GOSR1: variants seen among roughly 807,000 people sequenced by gnomAD.
GOSR1 encodes the protein 28 kDa Golgi SNARE protein.
A neutral mutation model predicts 35.5 loss-of-function variants in GOSR1; 21 were observed. The ratio of observed to expected loss-of-function variants is 0.59; its 90% CI spans 0.42 to 0.85. The LOEUF (loss-of-function observed/expected upper bound fraction) is 0.85, where lower values mean the gene tolerates loss of function less well. Among genes scored for constraint, GOSR1 ranks in the 40% least tolerant of loss-of-function variants. GOSR1 has a pLI of 0.00. For synonymous variants in GOSR1, 94 were observed against 106.6 expected (o/e 0.88, Z 0.73); for missense variants, 285 against 309.6 (o/e 0.92, Z 0.60).
intron 6 of GOSR1, among the ~76,000 whole-genome samples, chr17:30,504,809 A>T (rs141676414): frequency 2.0e-5 from 3 of 152,270 alleles, no homozygotes; most frequent in African/African-American, 4.8e-5. Flanking sequence ...CCTCAGGAAC[A>T]TTGAATACAA....
At chr17:30,492,156 A>AT (rs1048575242) in intron 5 of GOSR1, among the ~76,000 whole-genome samples, 5 of 152,176 alleles carry the variant, frequency 3.3e-5, no homozygotes, top group Admixed American at 6.5e-5. Flanking sequence ...GATAAGAGTA[A>AT]TTTTTTTGTC....
At position 30,522,912 on chromosome 17, in the gene GOSR1, C is replaced by G. The variant is rs1443788144; in HGVS notation, c.*534C>G. On this transcript the variant is annotated 3_prime_UTR_variant, in exon 9 of 9. Coordinates refer to ENST00000451249, the MANE Select transcript of GOSR1 (RefSeq NM_001007025.2). ...TGCCATCTCGGCTCACTGCAACCTC[C>G]CTGCCTGATTCTCCTGCCTCAGCCT... 1 of 176,308 alleles carries G rather than the reference C, an allele frequency of 5.7e-6. No individual in the cohort carries two copies. The highest frequency in any genetic ancestry group is 1.1e-4 in the South Asian group (1 of 9,342). The allele number at this position is 176,308 out of a possible 1,614,324, so 10.9% of individuals were successfully genotyped here.
At position 30,501,289 on chromosome 17, in the gene GOSR1, AATG is replaced by A. The variant is rs1597783875; in HGVS notation, c.509+8537_509+8539del. Among the ~76,000 whole-genome samples, 4 of 152,198 alleles carry A rather than the reference AATG, an allele frequency of 2.6e-5. No individual in the cohort carries two copies. The East Asian group carries it at 7.7e-4, about 29-fold the overall frequency. ...AAATTAAGCATGTGAAAAGATACTT[AATG>A]TAATTAAGTATCATTAGGGTACTGC... On this transcript the variant is annotated intron_variant, in intron 6 of 8. Transcript: ENST00000451249.
At chr17:30,493,842 G>A (rs140829724) in intron 6 of GOSR1, among the ~76,000 whole-genome samples, 3 of 151,956 alleles carry the variant, frequency 2.0e-5, no homozygotes, top group Non-Finnish European at 4.4e-5. Context: ...CATAAATTAT[G>A]TAACCATTTC....
chr17:30,484,540 GT>G, intron 3 of GOSR1, 122 bp from the exon 4 acceptor site: 1 of 13,792 alleles, frequency 7.3e-5, no homozygotes. Context: ...TTTGTTTTTT[GT>G]TTTGTTTTGT....
At chr17:30,488,484 A>G (rs62068733) in intron 4 of GOSR1, among the ~76,000 whole-genome samples, 1 of 151,680 alleles carries the variant, frequency 6.6e-6, no homozygotes, top group Non-Finnish European at 1.5e-5. Context: ...TTTTTTTAAA[A>G]TAAAAGAGTT....
Position 30,490,162 on chromosome 17 carries a change from T to A in GOSR1, c.379T>A (p.Phe127Ile). 2 of 1,570,132 alleles carry A rather than the reference T, an allele frequency of 1.3e-6. No individual in the cohort carries two copies. Among genetic ancestry groups the A allele is most frequent in the Non-Finnish European group, 1.8e-6 (2 of 1,140,374 alleles). Residue 127 changes from phenylalanine to isoleucine, a missense_variant, in exon 5 of 9, where the codon TTT becomes ATT. Transcript: ENST00000451249. Reference sequence around the variant, plus strand: ...TGAATTCCATAAAACCAAAGCAAACTTTATGGCAATACGGGAAAGGGAGAA... The same window carrying A: ...TGAATTCCATAAAACCAAAGCAAACATTATGGCAATACGGGAAAGGGAGAA... ...THEFHKTKAN[F>I]MAIRERENLM...
At chr17:30,488,533 AT>A (rs72485527) in intron 4 of GOSR1, among the ~76,000 whole-genome samples, 3,047 of 131,292 alleles carry the variant, frequency 0.023, 59 homozygotes, top group African/African-American at 0.066. Context: ...TATTGGCAGT[AT>A]TTTTTTTTTT....
In GOSR1 at chr17:30,523,228, C is replaced by T. The variant is rs1188182953; in HGVS notation, c.*850C>T. ...GAAGTGAGGAGCGCCTCTTCCCAGC[C>T]GCCATCCCATCTAGGAAGTGAGGAG... On this transcript the variant is annotated 3_prime_UTR_variant, in exon 9 of 9. Coordinates refer to ENST00000451249, the MANE Select transcript of GOSR1 (RefSeq NM_001007025.2). 1.6e-3 allele frequency: 280 copies of T among 174,534 alleles called. No homozygotes were observed. Among genetic ancestry groups the T allele is most frequent in the Middle Eastern group, 7.4e-3 (3 of 404 alleles). 10.8% of individuals were successfully genotyped at this position (174,534 alleles called of 1,614,324 possible).
intron 6 of GOSR1, among the ~76,000 whole-genome samples, chr17:30,505,889 C>T (rs1967384702): frequency 1.3e-5 from 2 of 152,240 alleles, no homozygotes; most frequent in Admixed American, 6.5e-5. Context: ...CCACTGTACT[C>T]GGATATCTTA....
chr17:30,487,104 G>GA (rs1005990095), intron 4 of GOSR1, among the ~76,000 whole-genome samples: 1 of 151,426 alleles, frequency 6.6e-6, no homozygotes, highest in Non-Finnish European at 1.5e-5. Flanking sequence ...TGATACTAGA[G>GA]AAAAAAAATA....
Position 30,490,173 on chromosome 17 carries a change from A to T in GOSR1, c.390A>T (p.Ile130=), listed in dbSNP as rs778086293. 46 of 1,570,344 alleles carry T rather than the reference A, an allele frequency of 2.9e-5. No homozygotes were observed. The highest frequency in any genetic ancestry group is 3.8e-5 in the Non-Finnish European group (43 of 1,140,604). The part of the protein sequence containing the change: ...FHKTKANFMA[I]RERENLMGSV... Reference sequence around the variant, plus strand: ...AAACCAAAGCAAACTTTATGGCAATACGGGAAAGGGAGAATCTTATGGGAT... The same window carrying T: ...AAACCAAAGCAAACTTTATGGCAATTCGGGAAAGGGAGAATCTTATGGGAT... The change falls in exon 5 of 9, where the codon ATA becomes ATT. Residue 130 remains isoleucine, a synonymous_variant. Transcript: ENST00000451249.
intron 1 of GOSR1, chr17:30,479,295 A>C (rs1914174963): frequency 6.6e-6 from 1 of 152,242 alleles, no homozygotes; most frequent in South Asian, 2.1e-4. Context: ...ACCATGAATG[A>C]GAATACTCGT....
chr17:30,478,096 T>C (rs548380740), intron 1 of GOSR1: 1 of 209,208 alleles, frequency 4.8e-6, no homozygotes, highest in South Asian at 1.7e-4. Context: ...AGAGAACCTG[T>C]GTGAATTGCA....
At chr17:30,521,215 G>C (rs1323090711) in intron 8 of GOSR1, among the ~76,000 whole-genome samples, 2 of 103,198 alleles carry the variant, frequency 1.9e-5, no homozygotes, top group Middle Eastern at 0.013. Context: ...GTCTCACCCT[G>C]TTACCATCCA....
intron 8 of GOSR1, among the ~76,000 whole-genome samples, chr17:30,521,709 T>C (rs542897546): frequency 1.3e-5 from 2 of 152,312 alleles, no homozygotes; most frequent in East Asian, 3.9e-4. Context: ...CACCAGTGTC[T>C]GATTATATAG....
At chr17:30,512,133 G>C (rs988253387) in intron 7 of GOSR1, among the ~76,000 whole-genome samples, 2 of 152,150 alleles carry the variant, frequency 1.3e-5, no homozygotes, top group Admixed American at 1.3e-4. Flanking sequence ...GAACCTGCCT[G>C]TGCTGTTTAT....
intron 6 of GOSR1, among the ~76,000 whole-genome samples, chr17:30,493,458 A>AT (rs957869798): frequency 4.0e-5 from 6 of 151,604 alleles, no homozygotes; most frequent in Admixed American, 6.6e-5. Flanking sequence ...TCTTAAATCA[A>AT]TTTTTTTTTG....
chr17:30,518,957 C>T (rs1967920193), intron 7 of GOSR1, among the ~76,000 whole-genome samples: 1 of 151,730 alleles, frequency 6.6e-6, no homozygotes, highest in Admixed American at 6.6e-5. Flanking sequence ...CCCCAACCCC[C>T]CCCAAAAAAA....
Sources: allele counts gnomAD v4.1 joint callset (sites outside exome capture counted in the v4.1 genomes callset), GRCh38; gene constraint gnomAD v4.1.1; transcripts MANE v1.5; gene names NCBI Gene and HGNC (gene_info 2026-07-23, HGNC 2026-07-21).